SKI: variants seen among roughly 807,000 people sequenced by gnomAD.
The protein encoded by SKI is ski oncogene.
A neutral mutation model predicts 59.3 loss-of-function variants in SKI; 23 were observed. The observed-to-expected ratio is 0.39, with a 90% CI of 0.28 to 0.55. SKI has a LOEUF of 0.55. SKI is among the 20% of genes least tolerant of loss of function. The pLI is 0.67. For missense variants in SKI, 1,017 were observed against 1,038.9 expected (o/e 0.98, Z 0.29); for synonymous variants, 673 against 488.6 (o/e 1.38, Z -4.98).
chr1:2,294,891 G>A (rs1640249127), intron 1 of SKI, among the ~76,000 whole-genome samples: 1 of 152,224 alleles, frequency 6.6e-6, no homozygotes, highest in Admixed American at 6.5e-5. Context: ...CCCTGTGCCT[G>A]GGTTGGAGGC....
chr1:2,289,395 G>T (rs887848856), intron 1 of SKI, among the ~76,000 whole-genome samples: 2 of 152,122 alleles, frequency 1.3e-5, no homozygotes, highest in African/African-American at 4.8e-5. Context: ...TGGTCACCAC[G>T]TGGCCACTTT....
intron 1 of SKI, among the ~76,000 whole-genome samples, chr1:2,261,402 G>A (rs989951233): frequency 6.6e-6 from 1 of 152,178 alleles, no homozygotes; most frequent in Non-Finnish European, 1.5e-5. Context: ...TCCGACCAAC[G>A]GAAAGCTCTC....
At chr1:2,253,130 G>A (rs1177358904) in intron 1 of SKI, among the ~76,000 whole-genome samples, 2 of 151,352 alleles carry the variant, frequency 1.3e-5, no homozygotes, top group African/African-American at 4.9e-5. Context: ...CTAAATTGGA[G>A]TAAATATTTC....
intron 1 of SKI, among the ~76,000 whole-genome samples, chr1:2,285,626 G>A (rs61759158): frequency 0.16 from 23,438 of 148,642 alleles, 2,312 homozygotes; most frequent in Admixed American, 0.21. Context: ...GTGCAGTGGC[G>A]TGATCTCAGC....
Position 2,304,588 on chromosome 1 carries a change from G to A in SKI, c.1767+3G>A. On this transcript the variant is annotated splice_donor_region_variant and intron_variant, in intron 5 of 6. Transcript: ENST00000378536. ...AGGCCAAGCGCAGCCTCCACCAGGT[G>A]AGCGGGGCGAGTGGTGCTGGGAGGT... 3 of 1,547,432 alleles carry A rather than the reference G, an allele frequency of 1.9e-6. No individual in the cohort carries two copies. Among genetic ancestry groups the A allele is most frequent in the Non-Finnish European group, 2.6e-6 (3 of 1,145,212 alleles).
At position 2,302,986 on chromosome 1, in the gene SKI, T is replaced by G. The variant is rs759010691; in HGVS notation, c.978T>G (p.Ser326=). The G allele has an allele frequency of 4.3e-6, 7 of 1,613,416 alleles. No homozygotes were observed. In the African/African-American group the frequency reaches 9.3e-5, roughly 22 times the overall value. The change falls in exon 2 of 7, where the codon TCT becomes TCG. Residue 326 remains serine, a synonymous_variant. Coordinates refer to ENST00000378536, the MANE Select transcript of SKI (RefSeq NM_003036.4). ...CCTTTCATTGATCGCAGGTCTCCTC[T>G]GAGCCTCCGGCCTCCATAAGACCCA... ...KYKRRVPRVS[S]EPPASIRPKT...
rs942372849 is a variant in SKI at position 2,229,851 on chromosome 1, C to T, written c.969+116C>T. 46 of 1,509,326 alleles carry T rather than the reference C, an allele frequency of 3.0e-5. No individual in the cohort carries two copies. The Middle Eastern group carries it at 5.5e-4, about 18-fold the overall frequency. 93.5% of individuals were successfully genotyped at this position (1,509,326 alleles called of 1,614,324 possible). On this transcript the variant is annotated intron_variant, in intron 1 of 6. Coordinates refer to ENST00000378536, the MANE Select transcript of SKI (RefSeq NM_003036.4). The surrounding 1 kb of genome is among the most constrained non-coding windows in gnomAD (Gnocchi z 6.3). Reference sequence around the variant, plus strand: ...CCTGTGCTTCTGCCGTGCCCCATGTCTCCAGTCTTCGCTTTGTTTTAGGGA... The same window carrying T: ...CCTGTGCTTCTGCCGTGCCCCATGTTTCCAGTCTTCGCTTTGTTTTAGGGA...
At chr1:2,287,441 A>G (rs538083205) in intron 1 of SKI, among the ~76,000 whole-genome samples, 243 of 149,368 alleles carry the variant, frequency 1.6e-3, no homozygotes, top group Non-Finnish European at 2.8e-3. Flanking sequence ...GGTTCACGCC[A>G]TTCTCCTGCC....
At chr1:2,271,369 G>C (rs1291069675) in intron 1 of SKI, among the ~76,000 whole-genome samples, 1 of 151,990 alleles carries the variant, frequency 6.6e-6, no homozygotes, top group Non-Finnish European at 1.5e-5. Context: ...TCTCCCGCCG[G>C]GAGAGGTCCC....
chr1:2,304,354 C>G lies in SKI; in HGVS notation c.1536C>G (p.Asp512Glu). ...TTACCTCATCCAGCTCCGCCAAGGA[C>G]CTGGGCTCCCCGGGTGCGCGTGCCC... ...PSFTSSSSAKDLGSPGARALP... is the reference protein window; with the variant it reads ...PSFTSSSSAKELGSPGARALP... Residue 512 changes from aspartate to glutamate, a missense_variant, in exon 5 of 7, where the codon GAC becomes GAG. By Grantham distance (45) the Asp-to-Glu change is conservative. Coordinates refer to ENST00000378536, the MANE Select transcript of SKI (RefSeq NM_003036.4). 1 of 1,551,656 alleles carries G rather than the reference C, an allele frequency of 6.4e-7. No individual in the cohort carries two copies. Among genetic ancestry groups the G allele is most frequent in the Non-Finnish European group, 8.7e-7 (1 of 1,146,992 alleles).
At chr1:2,291,310 C>A (rs1321266008) in intron 1 of SKI, among the ~76,000 whole-genome samples, 1 of 152,234 alleles carries the variant, frequency 6.6e-6, no homozygotes, top group Non-Finnish European at 1.5e-5. Flanking sequence ...GGCTGTGTGG[C>A]CACTCCTTTG....
rs1337456769 is a variant in SKI, at chr1:2,303,927, T to C, written c.1299T>C (p.Pro433=). 5 of 1,611,882 alleles carry C rather than the reference T, an allele frequency of 3.1e-6. No individual in the cohort carries two copies. The highest frequency in any genetic ancestry group is 2.2e-5 in the East Asian group (1 of 44,848). The change falls in exon 4 of 7, where the codon CCT becomes CCC. Residue 433 remains proline (P), a synonymous_variant. Coordinates refer to ENST00000378536, the MANE Select transcript of SKI (RefSeq NM_003036.4). The surrounding 1 kb of genome is among the most constrained non-coding windows in gnomAD (Gnocchi z 5.6). Reference sequence around the variant, plus strand: ...CCCAGCAGAAGGTTGTGAGCAGCCCTCCGTGTGCCGCCGCCGTCTCCCGGG... The same window carrying C: ...CCCAGCAGAAGGTTGTGAGCAGCCCCCCGTGTGCCGCCGCCGTCTCCCGGG... ...PPAQQKVVSS[P]PCAAAVSRAP... is the part of the protein sequence containing the mutation.
At chr1:2,289,002 C>T (rs552439484) in intron 1 of SKI, among the ~76,000 whole-genome samples, 7 of 152,344 alleles carry the variant, frequency 4.6e-5, no homozygotes, top group Admixed American at 2.0e-4. Flanking sequence ...CTGGTTTTCC[C>T]GAATCGCATG....
intron 1 of SKI, among the ~76,000 whole-genome samples, chr1:2,259,670 AC>A (rs1364949506): frequency 2.6e-5 from 4 of 152,100 alleles, no homozygotes; most frequent in Admixed American, 6.5e-5. Flanking sequence ...CAGATGATGA[AC>A]CTGTCCGTCA....
chr1:2,261,881 A>C (rs1639394878), intron 1 of SKI, among the ~76,000 whole-genome samples: 1 of 141,354 alleles, frequency 7.1e-6, no homozygotes, highest in African/African-American at 2.7e-5. Flanking sequence ...CTCACTCCTG[A>C]TCTCCTGGTC....
chr1:2,249,587 C>T (rs1178069254), intron 1 of SKI, among the ~76,000 whole-genome samples: 1 of 152,190 alleles, frequency 6.6e-6, no homozygotes, highest in Admixed American at 6.5e-5. Flanking sequence ...GAGAGCAAGG[C>T]AGTGAGTGGA....
intron 1 of SKI, among the ~76,000 whole-genome samples, chr1:2,286,980 C>T (rs1383529644): frequency 6.6e-6 from 1 of 152,198 alleles, no homozygotes; most frequent in Non-Finnish European, 1.5e-5. Context: ...GCGTTAAGCC[C>T]AGGACATGGC....
At chr1:2,289,967 A>G (rs1640126650) in intron 1 of SKI, among the ~76,000 whole-genome samples, 2 of 152,052 alleles carry the variant, frequency 1.3e-5, no homozygotes, top group African/African-American at 4.8e-5. Flanking sequence ...GCTCCAGGAC[A>G]TGCCACCTCC....
intron 1 of SKI, among the ~76,000 whole-genome samples, chr1:2,266,971 G>A (rs566505983): frequency 1.1e-4 from 16 of 152,278 alleles, no homozygotes; most frequent in South Asian, 4.2e-4. Flanking sequence ...ATCACGCTCC[G>A]TGGCAGCAGG....
Sources: allele counts gnomAD v4.1 joint callset (sites outside exome capture counted in the v4.1 genomes callset), GRCh38; gene constraint gnomAD v4.1.1; non-coding constraint Gnocchi (gnomAD v3.1); transcripts MANE v1.5; gene names NCBI Gene and HGNC (gene_info 2026-07-23, HGNC 2026-07-21).